WDR20: variants seen among roughly 807,000 people sequenced by gnomAD.
WDR20 encodes WD repeat domain 20.
WDR20 carries 3 observed loss-of-function variants against 38.7 expected under a neutral mutation model. The ratio of observed to expected loss-of-function variants is 0.08; its 90% CI spans 0.04 to 0.20. WDR20 has a LOEUF of 0.20. WDR20 is among the 10% of genes least tolerant of loss of function. WDR20 has a pLI of 1.00. For missense variants in WDR20, 559 were observed against 727.7 expected, an observed-to-expected ratio of 0.77 and a Z score of 2.67; for synonymous variants, 298 against 285.6, an observed-to-expected ratio of 1.04 and a Z score of -0.44.
intron 1 of WDR20, chr14:102,191,202 G>A (rs1256355081): frequency 6.6e-6 from 1 of 152,152 alleles, no homozygotes; most frequent in Non-Finnish European, 1.5e-5. Context: ...TTTGCCCAAG[G>A]CCACTTGGCT....
downstream of WDR20, among the ~76,000 whole-genome samples, chr14:102,216,356 G>A (rs1038130967): frequency 2.6e-5 from 4 of 152,206 alleles, no homozygotes; most frequent in East Asian, 3.9e-4. Context: ...TCTGTTGCCC[G>A]AACATGGCTC....
At chr14:102,218,794 C>G (rs564219946), downstream of WDR20, among the ~76,000 whole-genome samples, 3 of 152,228 alleles carry the variant, frequency 2.0e-5, no homozygotes, top group Non-Finnish European at 4.4e-5. Flanking sequence ...CAGATTCTGC[C>G]TGGGGAGCTC....
At chr14:102,141,531 CTT>C (rs1192670839) in intron 1 of WDR20, among the ~76,000 whole-genome samples, 1 of 151,744 alleles carries the variant, frequency 6.6e-6, no homozygotes, top group African/African-American at 2.4e-5. Flanking sequence ...TCGAAGTAGT[CTT>C]CAGTCTAGGG....
At chr14:102,151,115 C>G (rs28456695) in intron 1 of WDR20, among the ~76,000 whole-genome samples, 10,641 of 151,246 alleles carry the variant, frequency 0.07, 776 homozygotes, top group African/African-American at 0.18. Context: ...AGGATAAATG[C>G]ATAACTCTTT....
chr14:102,204,018 A>G (rs977285753), intron 2 of WDR20, among the ~76,000 whole-genome samples: 1 of 152,210 alleles, frequency 6.6e-6, no homozygotes, highest in Non-Finnish European at 1.5e-5. Context: ...AGAGTCATGT[A>G]AGTTAAATGA....
intron 1 of WDR20, among the ~76,000 whole-genome samples, chr14:102,190,924 C>T (rs565525158): frequency 1.3e-5 from 2 of 151,580 alleles, no homozygotes; most frequent in East Asian, 3.9e-4. Flanking sequence ...TTGCTTGAAC[C>T]TGGAAAGTGG....
chr14:102,177,855 A>T (rs1163334897), intron 1 of WDR20, among the ~76,000 whole-genome samples: 1 of 152,158 alleles, frequency 6.6e-6, no homozygotes, highest in African/African-American at 2.4e-5. Flanking sequence ...TATTGATTCC[A>T]ACCAATTTTA....
In WDR20 at chr14:102,201,582, G is replaced by A. The variant is rs1014037036; in HGVS notation, c.432+6462G>A. ...TTTGTATTCATATCTTAAGTGGCAC[G>A]GTCTGTTTGGCCTGCAGAGCTGGAA... On this transcript the variant is annotated intron_variant, in intron 2 of 2. Coordinates refer to ENST00000342702, the MANE Select transcript of WDR20 (RefSeq NM_144574.4). Among the ~76,000 whole-genome samples the A allele has an allele frequency of 1.3e-4, 20 of 152,212 alleles. No individual in the cohort carries two copies. In the East Asian group the frequency reaches 3.9e-3, roughly 29 times the overall value.
chr14:102,147,405 G>A (rs1353618195), intron 1 of WDR20, among the ~76,000 whole-genome samples: 1 of 152,174 alleles, frequency 6.6e-6, no homozygotes, highest in African/African-American at 2.4e-5. Flanking sequence ...AGGACTTCAT[G>A]GGTAGATATG....
intron 1 of WDR20, among the ~76,000 whole-genome samples, chr14:102,193,091 A>G (rs1360562058): frequency 6.7e-6 from 1 of 148,306 alleles, no homozygotes; most frequent in Admixed American, 6.7e-5. Context: ...TTTGTTCTCT[A>G]GCTGCCAGTT....
intron 1 of WDR20, among the ~76,000 whole-genome samples, chr14:102,153,571 GC>G (rs2056638082): frequency 6.6e-6 from 1 of 152,092 alleles, no homozygotes; most frequent in African/African-American, 2.4e-5. Flanking sequence ...CTCCAAAAGT[GC>G]TGGGATTACA....
intron 1 of WDR20, among the ~76,000 whole-genome samples, chr14:102,185,614 T>C (rs2064475472): frequency 6.6e-6 from 1 of 152,158 alleles, no homozygotes; most frequent in African/African-American, 2.4e-5. Flanking sequence ...TGCGCAGGTT[T>C]GTAGCGAGGT....
chr14:102,217,276 G>A (rs550573587), downstream of WDR20, among the ~76,000 whole-genome samples: 27 of 152,306 alleles, frequency 1.8e-4, no homozygotes, highest in South Asian at 5.0e-3. Context: ...ATCAGTGAAC[G>A]GGATCACGAT....
At chr14:102,142,962 A>G (rs2052003308) in intron 1 of WDR20, among the ~76,000 whole-genome samples, 1 of 152,092 alleles carries the variant, frequency 6.6e-6, no homozygotes, top group Admixed American at 6.6e-5. Flanking sequence ...GAGAGGAAAC[A>G]TGGGGTCCTG....
In WDR20 at chr14:102,210,257, A is replaced by C; in HGVS notation, c.*377A>C. ...TAACTGGAATATTTTTTGCTTAACT[A>C]CTCAATTAGAATATTGTACACCTGA... is the stretch of plus-strand genomic sequence containing the variant. On this transcript the variant is annotated 3_prime_UTR_variant, in exon 3 of 3. Coordinates refer to ENST00000342702, the MANE Select transcript of WDR20 (RefSeq NM_144574.4). The C allele has an allele frequency of 9.9e-7, 1 of 1,010,478 alleles. No individual in the cohort carries two copies. The highest frequency in any genetic ancestry group is 1.2e-6 in the Non-Finnish European group (1 of 844,984). 62.6% of individuals were successfully genotyped at this position (1,010,478 alleles called of 1,614,324 possible). A position where few individuals can be genotyped will look rare whatever the true frequency, so the allele number is the denominator to read the frequency against.
rs1472316177 is a variant in WDR20, at chr14:102,157,061, A to G, written c.249+16889A>G. 4.6e-5 allele frequency among the ~76,000 whole-genome samples: 7 copies of G among 152,172 alleles called. No homozygotes were observed. In the East Asian group the frequency reaches 1.3e-3, roughly 29 times the overall value. On this transcript the variant is annotated intron_variant, in intron 1 of 2. Transcript: ENST00000342702. Reference sequence around the variant, plus strand: ...AGGATTGTTTGAGGCCAAGAGTTTGAGGCCAGCCTGGGCAACACTGTGAGA... The same window carrying G: ...AGGATTGTTTGAGGCCAAGAGTTTGGGGCCAGCCTGGGCAACACTGTGAGA...
chr14:102,212,242 TAACA>T (rs2062637040), downstream of WDR20, among the ~76,000 whole-genome samples: 1 of 152,246 alleles, frequency 6.6e-6, no homozygotes, highest in Non-Finnish European at 1.5e-5. Flanking sequence ...TGAGGCTTGA[TAACA>T]ATCTTTTTCT....
downstream of WDR20, chr14:102,214,659 T>C: frequency 4.1e-6 from 4 of 984,402 alleles, no homozygotes; most frequent in Non-Finnish European, 4.8e-6. Context: ...TAAAATTGTA[T>C]GGATATTTTG....
chr14:102,152,099 A>G (rs2056097271), intron 1 of WDR20, among the ~76,000 whole-genome samples: 1 of 151,488 alleles, frequency 6.6e-6, no homozygotes, highest in Admixed American at 6.6e-5. Flanking sequence ...ATTTTTTTAT[A>G]GAGACAGGGT....
Sources: gnomAD v4.1 joint callset for allele counts (sites outside exome capture counted in the v4.1 genomes callset) on GRCh38, gnomAD v4.1.1 for gene constraint, MANE v1.5 for transcripts, NCBI Gene and HGNC (gene_info 2026-07-23, HGNC 2026-07-21) for gene names.